The following BTN3A3 variants were observed in gnomAD, a reference collection of about 807,000 sequenced individuals.
The protein encoded by BTN3A3 is butyrophilin 3.
In BTN3A3, 39 loss-of-function variants were observed where a neutral mutation model predicts 43.2. The observed-to-expected ratio is 0.90, with a 90% CI of 0.70 to 1.18. The LOEUF (loss-of-function observed/expected upper bound fraction) is 1.18, where lower values mean the gene tolerates loss of function less well. Among genes scored for constraint, BTN3A3 ranks in the 50% most tolerant of loss-of-function variants. BTN3A3 has a pLI of 0.00. For missense variants in BTN3A3, 631 were observed against 722.8 expected, an observed-to-expected ratio of 0.87 and a Z score of 1.46; for synonymous variants, 255 against 272.7, an observed-to-expected ratio of 0.93 and a Z score of 0.64.
At chr6:26,448,107 C>G in intron 5 of BTN3A3, 141 bp from the exon 6 acceptor site, 1 of 964,432 alleles carries the variant, frequency 1.0e-6, no homozygotes, top group Non-Finnish European at 1.5e-6. Context: ...TCCTCTGAGA[C>G]TTTAGGGACA....
At chr6:26,441,652 T>G (rs1182088353) in intron 1 of BTN3A3, among the ~76,000 whole-genome samples, 1 of 152,190 alleles carries the variant, frequency 6.6e-6, no homozygotes, top group Non-Finnish European at 1.5e-5. Context: ...TATTTATATT[T>G]CTACTACCAA....
chr6:26,452,261 A>G lies in BTN3A3; in HGVS notation c.1605A>G (p.Pro535=), dbSNP rs1484010675. ...TGCCTGATCATTCCCTGGAGACACC[A>G]CTGACCCCGGGCTTAGCTAATGAAA... ...DLVPDHSLET[P]LTPGLANESG... is the part of the protein sequence containing the mutation. The change falls in exon 11 of 11, where the codon CCA becomes CCG. Residue 535 remains proline (P), a synonymous_variant. Transcript: ENST00000244519. The G allele has an allele frequency of 4.3e-6, 7 of 1,614,010 alleles. No homozygotes were observed. The highest frequency in any genetic ancestry group is 5.9e-6 in the Non-Finnish European group (7 of 1,180,038).
intron 5 of BTN3A3, among the ~76,000 whole-genome samples, chr6:26,447,035 AG>A (rs1221111185): frequency 2.0e-5 from 3 of 152,106 alleles, no homozygotes; most frequent in Non-Finnish European, 2.9e-5. Flanking sequence ...GCCTATAAAA[AG>A]TTTCTTATAG....
intron 1 of BTN3A3, among the ~76,000 whole-genome samples, chr6:26,441,146 AG>A (rs1463060488): frequency 6.6e-6 from 1 of 152,218 alleles, no homozygotes; most frequent in Non-Finnish European, 1.5e-5. Flanking sequence ...TACAACAGGC[AG>A]GGGGTAGACA....
chr6:26,445,824 A>G lies in BTN3A3; in HGVS notation c.554A>G (p.Glu185Gly). 2 of 1,614,168 alleles carry G rather than the reference A, an allele frequency of 1.2e-6. No individual in the cohort carries two copies. The highest frequency in any genetic ancestry group is 2.2e-5 in the South Asian group (2 of 91,076). Residue 185 changes from glutamate (E) to glycine (G), a missense_variant, in exon 5 of 11, where the codon GAG becomes GGG. Physicochemically the swap from Glu to Gly is moderately conservative, Grantham distance 98 (BLOSUM62 -2). Transcript: ENST00000244519. ...ATAAAGTGGAGCGACACCAAGGGAGAGAACATCCCGGCTGTGGAAGCACCT... is the reference window on the plus strand; with the variant it reads ...ATAAAGTGGAGCGACACCAAGGGAGGGAACATCCCGGCTGTGGAAGCACCT... ...PQIKWSDTKG[E>G]NIPAVEAPVV...
Position 26,443,906 on chromosome 6 carries a change from G to A in BTN3A3, c.86-51G>A, listed in dbSNP as rs769276697. On this transcript the variant is annotated intron_variant, in intron 3 of 10. Transcript: ENST00000244519. ...CTGTCTGAGAAGGACCCTTCCTCTC[G>A]TGACCCCAACTCCAAAACCCTCTGA... 3.0e-4 allele frequency: 476 copies of A among 1,613,314 alleles called. 1 individual carries two copies. Among genetic ancestry groups the A allele is most frequent in the East Asian group, 1.3e-3 (59 of 44,766 alleles).
Position 26,444,119 on chromosome 6 carries a change from A to G in BTN3A3, c.248A>G (p.Lys83Arg). Residue 83 changes from lysine (K) to arginine (R), a missense_variant, in exon 4 of 11, where the codon AAG (lysine) becomes AGG (arginine). Lys to Arg is a conservative substitution (Grantham distance 26). Transcript: ENST00000244519. ...RQVVNVYADG[K>R]EVEDRQSAPY... is the part of the protein sequence containing the mutation. ...GTGGTGAACGTGTATGCAGATGGAA[A>G]GGAAGTGGAAGACAGGCAGAGTGCA... 3.1e-6 allele frequency: 5 copies of G among 1,613,712 alleles called. No individual in the cohort carries two copies. The highest frequency in any genetic ancestry group is 4.2e-6 in the Non-Finnish European group (5 of 1,179,848).
chr6:26,446,463 T>G (rs1762781021), intron 5 of BTN3A3, among the ~76,000 whole-genome samples: 1 of 152,210 alleles, frequency 6.6e-6, no homozygotes. Context: ...GAAACATATC[T>G]GAAATCATTT....
chr6:26,446,018 G>A (rs376066083), intron 5 of BTN3A3, 33 bp downstream of exon 5: 226 of 1,610,482 alleles, frequency 1.4e-4, no homozygotes, highest in Non-Finnish European at 1.9e-4. Flanking sequence ...GCTTTACTGA[G>A]CTGAGCTGTG....
intron 1 of BTN3A3, among the ~76,000 whole-genome samples, chr6:26,441,056 A>G (rs534944671): frequency 6.6e-6 from 1 of 152,320 alleles, no homozygotes; most frequent in Admixed American, 6.5e-5. Context: ...CTAGAAAGAG[A>G]TGTGCCTTAT....
Position 26,440,599 on chromosome 6 carries a change from T to G in BTN3A3, c.-116T>G, listed in dbSNP as rs1762598507. On this transcript the variant is annotated 5_prime_UTR_variant, in exon 1 of 11. It adds an upstream start codon to the 5' untranslated region. Coordinates refer to ENST00000244519, the MANE Select transcript of BTN3A3 (RefSeq NM_006994.5). ...CATAATAGAAAGAATGGAGAACTAT[T>G]AACCACCATTCTTCAGTGGGCTGTG... 6.6e-6 allele frequency: 1 copy of G among 152,242 alleles called. No homozygotes were observed. The highest frequency in any genetic ancestry group is 6.5e-5 in the Admixed American group (1 of 15,284). 9.4% of individuals were successfully genotyped at this position (152,242 alleles called of 1,614,324 possible).
In BTN3A3 at chr6:26,448,203, G is replaced by A. The variant is rs377705871; in HGVS notation, c.716-45G>A. On this transcript the variant is annotated intron_variant, in intron 5 of 10. Transcript: ENST00000244519. ...AGCTTGGGGTGCTGAGGCTGGGGAG[G>A]CTGAGTGCACTAGCTCCCATGACCC... The A allele has an allele frequency of 1.8e-5, 29 of 1,598,698 alleles. No individual in the cohort carries two copies. In the African/African-American group the frequency reaches 3.2e-4, roughly 18 times the overall value.
At chr6:26,441,057 T>G (rs1219679085) in intron 1 of BTN3A3, among the ~76,000 whole-genome samples, 2 of 152,206 alleles carry the variant, frequency 1.3e-5, no homozygotes, top group Non-Finnish European at 2.9e-5. Flanking sequence ...TAGAAAGAGA[T>G]GTGCCTTATA....
intron 5 of BTN3A3, among the ~76,000 whole-genome samples, chr6:26,447,239 A>G (rs981467377): frequency 1.1e-4 from 17 of 152,218 alleles, no homozygotes; most frequent in Admixed American, 3.9e-4. Context: ...TGTTATTTTT[A>G]GTTTAAACAA....
rs144615747 is a variant in BTN3A3, at chr6:26,445,908, G to C, written c.638G>C (p.Ser213Thr). Residue 213 changes from serine to threonine, a missense_variant, in exon 5 of 11, where the codon AGC becomes ACC. Coordinates refer to ENST00000244519, the MANE Select transcript of BTN3A3 (RefSeq NM_006994.5). ...AVAASVIMRG[S>T]SGGGVSCIIR... ...GCAGCATCTGTGATCATGAGAGGCAGCTCTGGTGGGGGTGTATCCTGCATC... is the reference window on the plus strand; with the variant it reads ...GCAGCATCTGTGATCATGAGAGGCACCTCTGGTGGGGGTGTATCCTGCATC... 1.2e-6 allele frequency: 2 copies of C among 1,614,200 alleles called. No individual in the cohort carries two copies. The highest frequency in any genetic ancestry group is 3.3e-5 in the Admixed American group (2 of 60,034).
chr6:26,451,930 T>G lies in BTN3A3; in HGVS notation c.1274T>G (p.Met425Arg), dbSNP rs1467738755. 4 of 1,613,934 alleles carry G rather than the reference T, an allele frequency of 2.5e-6. No homozygotes were observed. The Admixed American group carries it at 6.7e-5, about 27-fold the overall frequency. Reference sequence around the variant, plus strand: ...GAGAGGAAAAAAGGTTGGGTCAAAATGACACCGGAGAACGGATACTGGACT... The same window carrying G: ...GAGAGGAAAAAAGGTTGGGTCAAAAGGACACCGGAGAACGGATACTGGACT... Reference protein sequence around the residue: ...NVERKKGWVKMTPENGYWTMG... With the variant: ...NVERKKGWVKRTPENGYWTMG... The change falls in exon 11 of 11, where the codon ATG becomes AGG. Residue 425 changes from methionine (M) to arginine (R), a missense_variant. This residue lies in a region of BTN3A3 where 551 missense variants were observed against 584.0 expected (regional missense o/e 0.94). Coordinates refer to ENST00000244519, the MANE Select transcript of BTN3A3 (RefSeq NM_006994.5).
Position 26,445,703 on chromosome 6 carries a change from G to C in BTN3A3, c.434-1G>C, listed in dbSNP as rs751053710. 2 of 1,613,142 alleles carry C rather than the reference G, an allele frequency of 1.2e-6. 1 individual carries two copies. The highest frequency in any genetic ancestry group is 2.7e-5 in the African/African-American group (2 of 74,898). On this transcript the variant is annotated splice_acceptor_variant, in intron 4 of 10. Transcript: ENST00000244519. LOFTEE classifies it high-confidence loss of function. Reference sequence around the variant, plus strand: ...ATTTAGGGCAATTTATCCTTCTACAGCATTGGGTTCTGATCTTCACATTGA... The same window carrying C: ...ATTTAGGGCAATTTATCCTTCTACACCATTGGGTTCTGATCTTCACATTGA...
At chr6:26,442,154 G>A (rs1459664600) in intron 1 of BTN3A3, among the ~76,000 whole-genome samples, 1 of 152,134 alleles carries the variant, frequency 6.6e-6, no homozygotes, top group Non-Finnish European at 1.5e-5. Flanking sequence ...GTTCTCAGAG[G>A]CCATTCCCAG....
At position 26,450,416 on chromosome 6, in the gene BTN3A3, G is replaced by A. The variant is rs547237271; in HGVS notation, c.1018+283G>A. 6.6e-5 allele frequency among the ~76,000 whole-genome samples: 10 copies of A among 152,300 alleles called. No individual in the cohort carries two copies. In the South Asian group the frequency reaches 8.3e-4, roughly 13 times the overall value. ...GAGGGGAAGGAGACACACACTGAGT[G>A]ATACTGCAGGGAGAGTGAGGATGCA... is the stretch of plus-strand genomic sequence containing the variant. On this transcript the variant is annotated intron_variant, in intron 10 of 10. Coordinates refer to ENST00000244519, the MANE Select transcript of BTN3A3 (RefSeq NM_006994.5).
Sources: allele counts gnomAD v4.1 joint callset (sites outside exome capture counted in the v4.1 genomes callset), GRCh38; gene constraint gnomAD v4.1.1; regional missense constraint gnomAD v4.1.1; transcripts MANE v1.5; gene names NCBI Gene and HGNC (gene_info 2026-07-23, HGNC 2026-07-21).